ALG11: variants seen among roughly 807,000 people sequenced by gnomAD.
ALG11 encodes the protein ALG11 alpha-1,2-mannosyltransferase.
A neutral mutation model predicts 38.8 loss-of-function variants in ALG11; 26 were observed. The observed-to-expected ratio is 0.67, with a 90% confidence interval of 0.49 to 0.93. The LOEUF is 0.93. Ranked by LOEUF, ALG11 falls within the 40% of genes least tolerant of loss-of-function variation. The pLI, the probability that ALG11 is intolerant of heterozygous loss-of-function variation, is 0.00. For synonymous variants in ALG11, 199 were observed against 211.6 expected, an observed-to-expected ratio of 0.94 and a Z score of 0.52; for missense variants, 535 against 578.8, an observed-to-expected ratio of 0.92 and a Z score of 0.78.
In ALG11 at chr13:52,032,708, CTT is replaced by C. The variant is rs1229266339; in HGVS notation, c.*4122_*4123del. On this transcript the variant is annotated 3_prime_UTR_variant, in exon 4 of 4. Coordinates refer to ENST00000521508, the MANE Select transcript of ALG11 (RefSeq NM_001004127.3). ...AGGATGTTCTGACACACCATTGTAA[CTT>C]TTTGTTAGAGATGATCCCATTTAGA... is the stretch of plus-strand genomic sequence containing the variant. 4 of 167,054 alleles carry C rather than the reference CTT, an allele frequency of 2.4e-5. No individual in the cohort carries two copies. Among genetic ancestry groups the C allele is most frequent in the South Asian group, 2.1e-4 (1 of 4,828 alleles). 10.3% of individuals were successfully genotyped at this position (167,054 alleles called of 1,614,324 possible).
In ALG11 at chr13:52,015,339, G is replaced by A. The variant is rs1025153356; in HGVS notation, c.44+2877G>A. 2.6e-5 allele frequency among the ~76,000 whole-genome samples: 4 copies of A among 152,198 alleles called. No individual in the cohort carries two copies. The South Asian group carries it at 6.2e-4, about 24-fold the overall frequency. Reference sequence around the variant, plus strand: ...GAGGATCGCTTGAGCCAAGGAGTTTGGGGCTGCAGTGATTGCTATGATTGC... The same window carrying A: ...GAGGATCGCTTGAGCCAAGGAGTTTAGGGCTGCAGTGATTGCTATGATTGC... On this transcript the variant is annotated intron_variant, in intron 1 of 3. Coordinates refer to ENST00000521508, the MANE Select transcript of ALG11 (RefSeq NM_001004127.3).
At chr13:52,024,970 CCATGAGATACA>C (rs1310411025) in intron 3 of ALG11, 33 bp downstream of exon 3, 1 of 1,570,574 alleles carries the variant, frequency 6.4e-7, no homozygotes, top group South Asian at 1.1e-5. Flanking sequence ...TTGTTTGGTG[CCATGAGATACA>C]CATTTTAAGT....
rs1403429941 is a variant in ALG11, at chr13:52,032,434, C to CTA, written c.*3847_*3848dup. ...TGAATATATGTGTGAGCAGATATGG[C>CTA]TATAAAGACCTATAGCTTTTGCACT... On this transcript the variant is annotated 3_prime_UTR_variant, in exon 4 of 4. Coordinates refer to ENST00000521508, the MANE Select transcript of ALG11 (RefSeq NM_001004127.3). The CTA allele has an allele frequency of 6.0e-6, 1 of 167,054 alleles. No individual in the cohort carries two copies. Among genetic ancestry groups the CTA allele is most frequent in the Non-Finnish European group, 1.5e-5 (1 of 68,118 alleles). The allele number at this position is 167,054 out of a possible 1,614,324, so 10.3% of individuals were successfully genotyped here.
At chr13:52,018,885 G>T (rs1954158363) in intron 1 of ALG11, 28 bp from the exon 2 acceptor site, 3 of 1,584,828 alleles carry the variant, frequency 1.9e-6, no homozygotes, top group South Asian at 1.1e-5. Context: ...ATATCACATT[G>T]ATTCTCAACT....
At chr13:52,016,943 A>T (rs1954139356) in intron 1 of ALG11, 1 of 151,984 alleles carries the variant, frequency 6.6e-6, no homozygotes. Context: ...AACCTCAGAC[A>T]CTCAACGCCG....
chr13:52,018,844 C>T, intron 1 of ALG11, 69 bp from the exon 2 acceptor site: 1 of 1,308,418 alleles, frequency 7.6e-7, no homozygotes, highest in Non-Finnish European at 1.1e-6. Flanking sequence ...TATGTAAAAG[C>T]AGACTTTAAT....
intron 2 of ALG11, 29 bp from the exon 3 acceptor site, chr13:52,023,977 A>G (rs1323136789): frequency 2.5e-6 from 4 of 1,607,742 alleles, no homozygotes; most frequent in Non-Finnish European, 3.4e-6. Flanking sequence ...GTAACTTAAT[A>G]TATTCTTAAC....
Position 52,024,254 on chromosome 13 carries a change from C to T in ALG11, c.524C>T (p.Ser175Leu). The T allele has an allele frequency of 6.2e-7, 1 of 1,614,062 alleles. No individual in the cohort carries two copies. Among genetic ancestry groups the T allele is most frequent in the South Asian group, 1.1e-5 (1 of 91,076 alleles). ...TGTGTTCCTGATGTTTACATTGATTCAATGGGATACGCTTTTACGCTTCCT... is the reference window on the plus strand; with the variant it reads ...TGTGTTCCTGATGTTTACATTGATTTAATGGGATACGCTTTTACGCTTCCT... Reference protein sequence around the residue: ...MQCVPDVYIDSMGYAFTLPLF... With the variant: ...MQCVPDVYIDLMGYAFTLPLF... The change falls in exon 3 of 4, where the codon TCA (serine) becomes TTA (leucine). Residue 175 changes from serine to leucine, a missense_variant. Coordinates refer to ENST00000521508, the MANE Select transcript of ALG11 (RefSeq NM_001004127.3).
intron 2 of ALG11, chr13:52,020,663 A>G (rs1191613603): frequency 1.3e-5 from 2 of 152,160 alleles, no homozygotes; most frequent in African/African-American, 4.8e-5. Flanking sequence ...CTCCTAACCC[A>G]TCTACAAGGA....
chr13:52,012,504 T>C, intron 1 of ALG11, 42 bp downstream of exon 1: 1 of 1,613,862 alleles, frequency 6.2e-7, no homozygotes, highest in African/African-American at 1.3e-5. Context: ...TTTTCTCTTC[T>C]GTAGGGGTAC....
chr13:52,019,203 TC>T, intron 2 of ALG11, 60 bp downstream of exon 2: 2 of 854,428 alleles, frequency 2.3e-6, no homozygotes, highest in Non-Finnish European at 3.7e-6. Flanking sequence ...AAAATTATTA[TC>T]CAGAAATTCA....
intron 2 of ALG11, among the ~76,000 whole-genome samples, chr13:52,019,650 A>G (rs992981753): frequency 6.6e-6 from 1 of 152,214 alleles, no homozygotes; most frequent in African/African-American, 2.4e-5. Context: ...ATGATAAAGA[A>G]ATAGACAAAC....
chr13:52,025,973 C>A (rs978240525), intron 3 of ALG11, among the ~76,000 whole-genome samples: 1 of 152,230 alleles, frequency 6.6e-6, no homozygotes, highest in African/African-American at 2.4e-5. Flanking sequence ...AGCATTCACT[C>A]TGCTGAGCGC....
At chr13:52,016,423 A>G (rs966553782) in intron 1 of ALG11, 2 of 152,248 alleles carry the variant, frequency 1.3e-5, no homozygotes, top group Admixed American at 6.5e-5. Context: ...GTCTCCAGGC[A>G]ATGTCGGAGA....
intron 1 of ALG11, among the ~76,000 whole-genome samples, chr13:52,018,011 G>A (rs1377738765): frequency 6.6e-6 from 1 of 152,204 alleles, no homozygotes; most frequent in Non-Finnish European, 1.5e-5. Context: ...GATAGGCAGA[G>A]TATGAAAAAT....
chr13:52,028,737 G>T lies in ALG11; in HGVS notation c.*147G>T. The T allele has an allele frequency of 6.2e-7, 1 of 1,608,888 alleles. No individual in the cohort carries two copies. The highest frequency in any genetic ancestry group is 1.1e-5 in the South Asian group (1 of 90,644). ...TCCTTTTAGAATAAAAGGAAGTGTT[G>T]AAAAGAAAATGGATGACTAGCCTTC... On this transcript the variant is annotated 3_prime_UTR_variant, in exon 4 of 4. Coordinates refer to ENST00000521508, the MANE Select transcript of ALG11 (RefSeq NM_001004127.3).
Position 52,019,006 on chromosome 13 carries a change from A to G in ALG11, c.138A>G (p.Leu46=). 6.2e-7 allele frequency: 1 copy of G among 1,614,034 alleles called. No individual in the cohort carries two copies. The highest frequency in any genetic ancestry group is 8.5e-7 in the Non-Finnish European group (1 of 1,179,996). The change falls in exon 2 of 4, where the codon CTA becomes CTG. Residue 46 remains leucine (L), a synonymous_variant. Transcript: ENST00000521508. ...TCCTTTGGGGAATCAGACTGCTGCTACAGAGAAAGAAAAAATTAGTGTCAA... is the reference window on the plus strand; with the variant it reads ...TCCTTTGGGGAATCAGACTGCTGCTGCAGAGAAAGAAAAAATTAGTGTCAA... The part of the protein sequence containing the change: ...VIVLWGIRLL[L]QRKKKLVSTS...
intron 1 of ALG11, chr13:52,017,288 T>A (rs2140830592): frequency 6.6e-6 from 1 of 152,324 alleles, no homozygotes; most frequent in South Asian, 2.1e-4. Context: ...CGGATGAGAC[T>A]TTGGACTGTG....
At chr13:52,015,393 G>C (rs1954126024) in intron 1 of ALG11, among the ~76,000 whole-genome samples, 1 of 152,144 alleles carries the variant, frequency 6.6e-6, no homozygotes, top group South Asian at 2.1e-4. Flanking sequence ...GGGTGACAGA[G>C]TGAGACCCTG....
Sources: allele counts gnomAD v4.1 joint callset (sites outside exome capture counted in the v4.1 genomes callset), GRCh38; gene constraint gnomAD v4.1.1; transcripts MANE v1.5; gene names NCBI Gene and HGNC (gene_info 2026-07-23, HGNC 2026-07-21).